NBEA: variants seen among roughly 807,000 people sequenced by gnomAD.
NBEA encodes lysosomal-trafficking regulator 2.
A neutral mutation model predicts 343.4 loss-of-function variants in NBEA; 44 were observed. The ratio of observed to expected loss-of-function variants is 0.13; its 90% CI spans 0.10 to 0.16. The LOEUF is 0.16. Among genes scored for constraint, NBEA ranks in the 10% least tolerant of loss-of-function variants. The pLI is 1.00. For synonymous variants in NBEA, 1,175 were observed against 1,238.7 expected, an observed-to-expected ratio of 0.95 and a Z score of 1.08; for missense variants, 2,555 against 3,631.3, an observed-to-expected ratio of 0.70 and a Z score of 7.62.
intron 18 of NBEA, among the ~76,000 whole-genome samples, chr13:35,149,924 A>G (rs994650541): frequency 2.6e-5 from 4 of 152,230 alleles, no homozygotes; most frequent in East Asian, 1.9e-4. Flanking sequence ...CAACACAAGT[A>G]CAGCAGCGTT....
chr13:35,238,132 A>G (rs2075318442), intron 34 of NBEA, among the ~76,000 whole-genome samples: 1 of 152,226 alleles, frequency 6.6e-6, no homozygotes, highest in Non-Finnish European at 1.5e-5. Context: ...GTATGTATGC[A>G]AGTATCAAAA....
intron 30 of NBEA, among the ~76,000 whole-genome samples, chr13:35,187,067 T>C: frequency 6.6e-6 from 1 of 152,244 alleles, no homozygotes; most frequent in East Asian, 1.9e-4. Context: ...AGTTTTAAAA[T>C]TTTTTATTTT....
At chr13:35,011,330 C>T (rs1057348197) in intron 1 of NBEA, among the ~76,000 whole-genome samples, 2 of 152,106 alleles carry the variant, frequency 1.3e-5, no homozygotes, top group Non-Finnish European at 2.9e-5. Context: ...TAGAGGAGCA[C>T]TGAGATAATT....
intron 34 of NBEA, among the ~76,000 whole-genome samples, chr13:35,254,649 G>C (rs1010055375): frequency 6.6e-6 from 1 of 151,770 alleles, no homozygotes; most frequent in African/African-American, 2.4e-5. Flanking sequence ...AGCAGTATTA[G>C]TATATACAAT....
intron 34 of NBEA, among the ~76,000 whole-genome samples, chr13:35,244,221 T>G (rs1246611490): frequency 6.6e-6 from 1 of 151,822 alleles, no homozygotes; most frequent in Non-Finnish European, 1.5e-5. Flanking sequence ...AGAAACTCCA[T>G]AAACACTTAG....
intron 36 of NBEA, among the ~76,000 whole-genome samples, chr13:35,329,950 T>C (rs2038818968): frequency 6.6e-6 from 1 of 151,986 alleles, no homozygotes; most frequent in South Asian, 2.1e-4. Flanking sequence ...TTCCATGAAG[T>C]GCTCCTATAC....
intron 1 of NBEA, among the ~76,000 whole-genome samples, chr13:34,979,839 T>C (rs1321618443): frequency 1.3e-5 from 2 of 152,212 alleles, no homozygotes; most frequent in Admixed American, 6.5e-5. Flanking sequence ...CTAGAGGCTT[T>C]ATAGTTTTAA....
In NBEA at chr13:35,173,560, T is replaced by G. The variant is rs763128643; in HGVS notation, c.4520T>G (p.Val1507Gly). 5 of 1,612,086 alleles carry G rather than the reference T, an allele frequency of 3.1e-6. No individual in the cohort carries two copies. Among genetic ancestry groups the G allele is most frequent in the Non-Finnish European group, 4.2e-6 (5 of 1,178,732 alleles). The change falls in exon 27 of 59, where the codon GTT becomes GGT. Residue 1507 changes from valine to glycine, a missense_variant. Val to Gly is a moderately radical substitution (Grantham distance 109, BLOSUM62 -3). Coordinates refer to ENST00000379939, the MANE Select transcript of NBEA (RefSeq NM_001385012.1). ...CATGGAAGCAGTAAACCTCAGGAAGTTCCTCAAAGTGTGACTGCTACAGCA... is the reference window on the plus strand; with the variant it reads ...CATGGAAGCAGTAAACCTCAGGAAGGTCCTCAAAGTGTGACTGCTACAGCA... ...SSHGSSKPQE[V>G]PQSVTATAAS...
chr13:35,372,666 C>G lies in NBEA; in HGVS notation c.6179+20343C>G, dbSNP rs151156148. Among the ~76,000 whole-genome samples the G allele has an allele frequency of 9.7e-4, 147 of 152,250 alleles. 1 individual carries two copies. The highest frequency in any genetic ancestry group is 1.7e-3 in the Non-Finnish European group (119 of 68,026). ...GGGAGCTGGGGAGTGTGCACTTCAG[C>G]CCAGGTAGCAGCTTCGTGTGGTGGT... On this transcript the variant is annotated intron_variant, in intron 38 of 58. Coordinates refer to ENST00000379939, the MANE Select transcript of NBEA (RefSeq NM_001385012.1).
At chr13:35,255,318 C>G (rs957788348) in intron 34 of NBEA, among the ~76,000 whole-genome samples, 3 of 152,258 alleles carry the variant, frequency 2.0e-5, no homozygotes, top group Non-Finnish European at 4.4e-5. Context: ...CCAGAAACCT[C>G]TGTGGCTAGT....
chr13:35,323,309 C>T (rs1374956370), intron 36 of NBEA, among the ~76,000 whole-genome samples: 1 of 151,986 alleles, frequency 6.6e-6, no homozygotes, highest in Non-Finnish European at 1.5e-5. Context: ...GACTTGGAAC[C>T]AACCCAAATG....
intron 38 of NBEA, among the ~76,000 whole-genome samples, chr13:35,396,328 T>C (rs2152903457): frequency 6.6e-6 from 1 of 152,296 alleles, no homozygotes; most frequent in Admixed American, 6.5e-5. Context: ...GTGTGTCTAC[T>C]CTGTTTATTT....
intron 1 of NBEA, among the ~76,000 whole-genome samples, chr13:35,039,343 G>C (rs749119536): frequency 6.6e-6 from 1 of 152,130 alleles, no homozygotes; most frequent in African/African-American, 2.4e-5. Context: ...ATGATTTTTA[G>C]CTCTTATGAA....
intron 10 of NBEA, among the ~76,000 whole-genome samples, chr13:35,081,065 C>T (rs2064366835): frequency 6.6e-6 from 1 of 152,010 alleles, no homozygotes; most frequent in South Asian, 2.1e-4. Context: ...TTTAAAACAT[C>T]GAATGAAATA....
At chr13:35,328,930 AC>A (rs1262077402) in intron 36 of NBEA, among the ~76,000 whole-genome samples, 4 of 151,956 alleles carry the variant, frequency 2.6e-5, no homozygotes, top group Non-Finnish European at 5.9e-5. Flanking sequence ...AATAATCAAG[AC>A]AGGATAGCAC....
chr13:35,468,338 A>T (rs2075487805), intron 40 of NBEA, among the ~76,000 whole-genome samples: 1 of 152,156 alleles, frequency 6.6e-6, no homozygotes, highest in African/African-American at 2.4e-5. Context: ...GACAAAAAAC[A>T]ACTTTATAAT....
intron 31 of NBEA, among the ~76,000 whole-genome samples, chr13:35,203,121 A>C (rs1167672873): frequency 6.6e-6 from 1 of 152,190 alleles, no homozygotes; most frequent in Non-Finnish European, 1.5e-5. Flanking sequence ...TAGCAGCCAG[A>C]GTAGTCCTAT....
intron 1 of NBEA, among the ~76,000 whole-genome samples, chr13:34,992,937 C>A (rs554174116): frequency 6.6e-6 from 1 of 151,702 alleles, no homozygotes; most frequent in East Asian, 2.0e-4. Context: ...CCCGCTTTGG[C>A]CTCCCAAAGT....
At chr13:35,229,321 C>G (rs980525235) in intron 33 of NBEA, among the ~76,000 whole-genome samples, 1 of 152,126 alleles carries the variant, frequency 6.6e-6, no homozygotes, top group African/African-American at 2.4e-5. Context: ...TATGAGCCAC[C>G]ATGCCCAGCC....
Sources: gnomAD v4.1 joint callset for allele counts (sites outside exome capture counted in the v4.1 genomes callset) on GRCh38, gnomAD v4.1.1 for gene constraint, MANE v1.5 for transcripts, NCBI Gene and HGNC (gene_info 2026-07-23, HGNC 2026-07-21) for gene names.